The following CCSER1 variants were observed in gnomAD, a reference collection of about 807,000 sequenced individuals.
CCSER1 encodes serine-rich coiled-coil domain-containing protein 1.
A neutral mutation model predicts 82.0 loss-of-function variants in CCSER1; 41 were observed. The ratio of observed to expected loss-of-function variants is 0.50; its 90% CI spans 0.39 to 0.65. The LOEUF (loss-of-function observed/expected upper bound fraction) is 0.65. Ranked by LOEUF, CCSER1 falls within the 30% of genes least tolerant of loss-of-function variation. The probability of loss-of-function intolerance (pLI) is 0.00; values close to 1 mark genes in which losing one functional copy is unlikely to be tolerated. For synonymous variants in CCSER1, 414 were observed against 383.9 expected (o/e 1.08, Z -0.92); for missense variants, 1,119 against 1,064.2 (o/e 1.05, Z -0.72).
At chr4:91,537,868 A>G (rs1761378621) in intron 10 of CCSER1, among the ~76,000 whole-genome samples, 1 of 151,828 alleles carries the variant, frequency 6.6e-6, no homozygotes, top group South Asian at 2.1e-4. Flanking sequence ...CAAAGGCAAA[A>G]TTTTGATGAA....
In CCSER1 at chr4:90,193,832, C is replaced by G. The variant is rs570068336; in HGVS notation, c.-42+66001C>G. Among the ~76,000 whole-genome samples the G allele has an allele frequency of 5.9e-5, 9 of 152,072 alleles. No individual in the cohort carries two copies. In the East Asian group the frequency reaches 1.7e-3, roughly 29 times the overall value. On this transcript the variant is annotated intron_variant, in intron 1 of 10. Coordinates refer to ENST00000509176, the MANE Select transcript of CCSER1 (RefSeq NM_001145065.2). Reference sequence around the variant, plus strand: ...CTATTGATGCTTTTAATAAATCCTGCTAGTCTAGTGCCTAGAACAAGGAAG... The same window carrying G: ...CTATTGATGCTTTTAATAAATCCTGGTAGTCTAGTGCCTAGAACAAGGAAG...
At chr4:90,217,642 T>A (rs992035488) in intron 1 of CCSER1, among the ~76,000 whole-genome samples, 60 of 152,160 alleles carry the variant, frequency 3.9e-4, no homozygotes, top group African/African-American at 1.4e-3. Flanking sequence ...TGAATAGGAG[T>A]GGTGAGAGTA....
chr4:90,788,561 T>C lies in CCSER1; in HGVS notation c.2011-27201T>C, dbSNP rs144220763. Reference sequence around the variant, plus strand: ...CATGGTGGTTCCCTGTAGGTGTCCTTTGTGTCCAAATTTCCCCTTTTTAAT... The same window carrying C: ...CATGGTGGTTCCCTGTAGGTGTCCTCTGTGTCCAAATTTCCCCTTTTTAAT... On this transcript the variant is annotated intron_variant, in intron 7 of 10. Transcript: ENST00000509176. 3.9e-3 allele frequency among the ~76,000 whole-genome samples: 593 copies of C among 152,278 alleles called. 6 individuals are homozygous for C. Among genetic ancestry groups the C allele is most frequent in the African/African-American group, 0.014 (566 of 41,550 alleles).
At chr4:91,418,287 T>A (rs1753488311) in intron 10 of CCSER1, among the ~76,000 whole-genome samples, 7 of 109,138 alleles carry the variant, frequency 6.4e-5, no homozygotes, top group African/African-American at 1.4e-4. Context: ...TCAACAAAAT[T>A]CAGAGATTTT....
At chr4:90,905,214 C>A (rs994208384) in intron 8 of CCSER1, among the ~76,000 whole-genome samples, 1 of 152,062 alleles carries the variant, frequency 6.6e-6, no homozygotes, top group South Asian at 2.1e-4. Context: ...CTGCATACAA[C>A]AGACAGAATG....
chr4:91,244,117 G>C (rs2149134336), intron 10 of CCSER1, among the ~76,000 whole-genome samples: 1 of 152,276 alleles, frequency 6.6e-6, no homozygotes, highest in South Asian at 2.1e-4. Context: ...AACATTTGTG[G>C]TGGCCTGGCA....
At chr4:90,911,644 G>A (rs888873591) in intron 8 of CCSER1, among the ~76,000 whole-genome samples, 2 of 152,148 alleles carry the variant, frequency 1.3e-5, no homozygotes, top group Non-Finnish European at 2.9e-5. Flanking sequence ...AGGACAGTGG[G>A]TGTAGCGCAC....
intron 4 of CCSER1, among the ~76,000 whole-genome samples, chr4:90,414,421 A>G (rs1220108268): frequency 6.6e-6 from 1 of 151,994 alleles, no homozygotes; most frequent in African/African-American, 2.4e-5. Context: ...ACTACCAGAC[A>G]TTTCTATTTT....
chr4:91,217,368 A>G (rs1248263181), intron 10 of CCSER1, among the ~76,000 whole-genome samples: 1 of 152,130 alleles, frequency 6.6e-6, no homozygotes, highest in African/African-American at 2.4e-5. Context: ...CCTGAGCTAG[A>G]TACAAAGGTT....
At chr4:91,118,037 CA>C (rs1726777434) in intron 10 of CCSER1, among the ~76,000 whole-genome samples, 1 of 152,006 alleles carries the variant, frequency 6.6e-6, no homozygotes, top group Admixed American at 6.6e-5. Flanking sequence ...ATGTATTAAA[CA>C]GCAAAATGCT....
At chr4:90,752,936 A>G (rs539911451) in intron 7 of CCSER1, among the ~76,000 whole-genome samples, 236 of 152,186 alleles carry the variant, frequency 1.6e-3, no homozygotes, top group Non-Finnish European at 2.5e-3. Flanking sequence ...CCCTTTTCCA[A>G]TCTCAATAAA....
At chr4:91,129,537 T>A (rs1727819882) in intron 10 of CCSER1, among the ~76,000 whole-genome samples, 1 of 152,060 alleles carries the variant, frequency 6.6e-6, no homozygotes, top group South Asian at 2.1e-4. Flanking sequence ...TAAGAAAAAT[T>A]TAATGCAATA....
Position 90,933,026 on chromosome 4 carries a change from AAGAAAG to A in CCSER1, c.2172+9581_2172+9586del, listed in dbSNP as rs1315170944. Among the ~76,000 whole-genome samples, 66 of 96,372 alleles carry A rather than the reference AAGAAAG, an allele frequency of 6.8e-4. 17 individuals are homozygous for A. Among genetic ancestry groups the A allele is most frequent in the Admixed American group, 2.0e-3 (18 of 8,996 alleles). 63.2% of individuals were successfully genotyped at this position (96,372 alleles called of 152,430 possible). A position where few individuals can be genotyped will look rare whatever the true frequency, so the allele number is the denominator to read the frequency against. On this transcript the variant is annotated intron_variant, in intron 9 of 10. Coordinates refer to ENST00000509176, the MANE Select transcript of CCSER1 (RefSeq NM_001145065.2). Reference sequence around the variant, plus strand: ...AAAGAAAGAAAGAAAGAAAGAAAGAAAGAAAGAAAGAAAGAAAGAGAAGGAAGGAAC... The same window carrying A: ...AAAGAAAGAAAGAAAGAAAGAAAGAAAAAGAAAGAAAGAGAAGGAAGGAAC...
At chr4:91,424,800 G>A (rs540461468) in intron 10 of CCSER1, among the ~76,000 whole-genome samples, 5 of 152,110 alleles carry the variant, frequency 3.3e-5, no homozygotes, top group East Asian at 3.9e-4. Flanking sequence ...ATATCTTTCC[G>A]AGTATAGGTG....
rs145466638 is a variant in CCSER1, at chr4:90,599,656, A to T, written c.1725-28369A>T. On this transcript the variant is annotated intron_variant, in intron 5 of 10. Coordinates refer to ENST00000509176, the MANE Select transcript of CCSER1 (RefSeq NM_001145065.2). ...AGGCAATGTGTTTTCTTCTCTTCTT[A>T]TGTGACCATCCTGAGTTTCTGTGCT... 9.9e-5 allele frequency among the ~76,000 whole-genome samples: 15 copies of T among 152,160 alleles called. No homozygotes were observed. The East Asian group carries it at 2.9e-3, about 30-fold the overall frequency.
At chr4:91,114,679 A>G (rs1021701706) in intron 10 of CCSER1, among the ~76,000 whole-genome samples, 1 of 152,200 alleles carries the variant, frequency 6.6e-6, no homozygotes, top group African/African-American at 2.4e-5. Flanking sequence ...CAAATGAAAG[A>G]AAGATGAGAG....
At chr4:91,246,485 C>CA (rs529332901) in intron 10 of CCSER1, among the ~76,000 whole-genome samples, 1 of 151,918 alleles carries the variant, frequency 6.6e-6, no homozygotes, top group South Asian at 2.1e-4. Flanking sequence ...GGAGATTCCT[C>CA]AAAAAAACTA....
intron 10 of CCSER1, among the ~76,000 whole-genome samples, chr4:91,273,225 G>A (rs781135901): frequency 1.2e-4 from 18 of 151,988 alleles, no homozygotes; most frequent in East Asian, 3.9e-4. Context: ...CTACCCATCC[G>A]TGAGCATAGG....
chr4:90,745,811 T>C (rs1386906793), intron 7 of CCSER1, among the ~76,000 whole-genome samples: 1 of 148,406 alleles, frequency 6.7e-6, no homozygotes, highest in Non-Finnish European at 1.5e-5. Context: ...TGCCTCAGGC[T>C]CCCGAGTAGC....
Sources: allele counts gnomAD v4.1 joint callset (sites outside exome capture counted in the v4.1 genomes callset), GRCh38; gene constraint gnomAD v4.1.1; transcripts MANE v1.5; gene names NCBI Gene and HGNC (gene_info 2026-07-23, HGNC 2026-07-21).